MZT2A: variants seen among roughly 807,000 people sequenced by gnomAD.
MZT2A encodes mitotic spindle organizing protein 2A.
MZT2A carries 8 observed loss-of-function variants against 12.4 expected under a neutral mutation model. The observed-to-expected ratio is 0.64, with a 90% CI of 0.38 to 1.16. The LOEUF is 1.16. MZT2A is among the 50% of genes most tolerant of loss of function. MZT2A has a pLI of 0.01. For missense variants in MZT2A, 181 were observed against 223.6 expected, an observed-to-expected ratio of 0.81 and a Z score of 1.22; for synonymous variants, 88 against 107.5, an observed-to-expected ratio of 0.82 and a Z score of 1.12.
chr2:131,492,816 T>C (rs951666096), upstream of MZT2A: 2 of 1,438,430 alleles, frequency 1.4e-6, no homozygotes, highest in African/African-American at 1.4e-5. Context: ...ACAACCCTGC[T>C]TACGCGCACG....
chr2:131,490,016 A>C, intron 2 of MZT2A: 1 of 970,870 alleles, frequency 1.0e-6, no homozygotes, highest in Non-Finnish European at 1.2e-6. Context: ...TGCTCATCTC[A>C]GCCTGCAGTC....
At chr2:131,486,800 C>T (rs1679069490) in intron 2 of MZT2A, among the ~76,000 whole-genome samples, 1 of 152,034 alleles carries the variant, frequency 6.6e-6, no homozygotes, top group Non-Finnish European at 1.5e-5. Context: ...TAATGCTTAT[C>T]TTTAAATCTG....
At chr2:131,492,822 G>C (rs2313967), upstream of MZT2A, 1 of 1,446,532 alleles carries the variant, frequency 6.9e-7, no homozygotes, top group Non-Finnish European at 9.2e-7. Flanking sequence ...CTGCTTACGC[G>C]CACGCGCATT....
At chr2:131,488,469 G>A (rs1389617029) in intron 2 of MZT2A, among the ~76,000 whole-genome samples, 1 of 152,158 alleles carries the variant, frequency 6.6e-6, no homozygotes, top group Admixed American at 6.5e-5. Flanking sequence ...GAGAGGGCCT[G>A]GCCCATAGCC....
Position 131,472,092 on chromosome 2 carries a change from C to A in MZT2A, c.371G>T (p.Gly124Val), listed in dbSNP as rs964916829. The A allele has an allele frequency of 5.4e-6, 7 of 1,290,534 alleles. No homozygotes were observed. The African/African-American group carries it at 1.1e-4, about 20-fold the overall frequency. 79.9% of individuals were successfully genotyped at this position (1,290,534 alleles called of 1,614,324 possible). Residue 124 changes from glycine (G) to valine (V), a missense_variant and NMD_transcript_variant, in exon 3 of 5, where the codon GGC becomes GTC. Transcript: ENST00000427024. ...CCTTGTGCATGTCCTCCTTCTCCTG[C>A]CACACCATGCGGTGCTGCTTCTCTG...
chr2:131,472,204 A>T, intron 2 of MZT2A: 5 of 1,280,330 alleles, frequency 3.9e-6, no homozygotes, highest in South Asian at 1.3e-5. Flanking sequence ...TGAGCAAAAG[A>T]GGAAATAATT....
intron 2 of MZT2A, among the ~76,000 whole-genome samples, chr2:131,477,631 GAAGGCCT>G (rs1678717418): frequency 6.6e-6 from 1 of 150,920 alleles, no homozygotes; most frequent in Non-Finnish European, 1.5e-5. Flanking sequence ...AGAGGGCGAG[GAAGGCCT>G]CTGATGCTGT....
At chr2:131,476,174 G>T in intron 2 of MZT2A, 1 of 1,613,862 alleles carries the variant, frequency 6.2e-7, no homozygotes, top group Non-Finnish European at 8.5e-7. Context: ...TGGCAGTAGC[G>T]TTGGGCTGAA....
intron 2 of MZT2A, among the ~76,000 whole-genome samples, chr2:131,477,374 T>C (rs1678709064): frequency 1.3e-5 from 2 of 152,108 alleles, no homozygotes; most frequent in Admixed American, 1.3e-4. Context: ...CAGTGCAGTG[T>C]CCCAGCACTA....
chr2:131,492,330 G>C lies in MZT2A; in HGVS notation c.47C>G (p.Pro16Arg), dbSNP rs751983172. ...VGPGPGSAAPPGLEAARQKLA... is the reference protein window; with the variant it reads ...VGPGPGSAAPRGLEAARQKLA... ...CTTCTGCCGGGCCGCCTCCAGCCCC[G>C]GGGGCGCCGCCGACCCCGGCCCAGG... is the stretch of plus-strand genomic sequence containing the variant. Residue 16 changes from proline (P) to arginine (R), a missense_variant, in exon 1 of 3, where the codon CCG (proline) becomes CGG (arginine). Coordinates refer to ENST00000309451, the MANE Select transcript of MZT2A (RefSeq NM_001085365.2). The C allele has an allele frequency of 5.6e-5, 85 of 1,508,998 alleles. 1 individual carries two copies. The African/African-American group carries it at 1.2e-3, about 20-fold the overall frequency. The allele number at this position is 1,508,998 out of a possible 1,614,324, so 93.5% of individuals were successfully genotyped here. A position where few individuals can be genotyped will look rare whatever the true frequency, so the allele number is the denominator to read the frequency against.
chr2:131,479,252 C>T (rs1678769353), downstream of MZT2A: 4 of 1,585,210 alleles, frequency 2.5e-6, no homozygotes, highest in Non-Finnish European at 1.7e-6. Context: ...TGGAATGTGT[C>T]CATCTTGGTG....
At chr2:131,485,096 C>A (rs527978959) in intron 2 of MZT2A, among the ~76,000 whole-genome samples, 1 of 152,162 alleles carries the variant, frequency 6.6e-6, no homozygotes. Context: ...GGGGTCACAG[C>A]CCCCCATGCG....
Position 131,476,218 on chromosome 2 carries a change from C to T in MZT2A, c.279-4036G>A, listed in dbSNP as rs369978659. 1.2e-4 allele frequency: 201 copies of T among 1,613,946 alleles called. 2 individuals are homozygous for T. In the South Asian group the frequency reaches 2.0e-3, roughly 16 times the overall value. ...GTTCGCCATGGTAAGGCCCGGGTCACTCCCGCCCCGCAGATGCCCAGGCAG... is the reference window on the plus strand; with the variant it reads ...GTTCGCCATGGTAAGGCCCGGGTCATTCCCGCCCCGCAGATGCCCAGGCAG... On this transcript the variant is annotated intron_variant and NMD_transcript_variant, in intron 2 of 4. Transcript: ENST00000427024.
At chr2:131,477,635 G>C (rs569335997) in intron 2 of MZT2A, among the ~76,000 whole-genome samples, 18 of 151,034 alleles carry the variant, frequency 1.2e-4, no homozygotes, top group African/African-American at 4.2e-4. Context: ...GGCGAGGAAG[G>C]CCTCTGATGC....
chr2:131,492,955 G>A, upstream of MZT2A: 1 of 1,514,134 alleles, frequency 6.6e-7, no homozygotes, highest in Non-Finnish European at 8.9e-7. Flanking sequence ...TCCCCTCCCT[G>A]GCCGGCCGGC....
downstream of MZT2A, among the ~76,000 whole-genome samples, chr2:131,480,982 C>T (rs1297136918): frequency 6.6e-6 from 1 of 151,948 alleles, no homozygotes; most frequent in Admixed American, 6.5e-5. Context: ...CAGCTAACTG[C>T]AACCTCTGCC....
chr2:131,492,259 G>C lies in MZT2A; in HGVS notation c.118C>G (p.Leu40Val). Residue 40 changes from leucine to valine, a missense_variant, in exon 1 of 3, where the codon CTG becomes GTG. Leu to Val is a conservative substitution (Grantham distance 32, BLOSUM62 1). Around this residue, in one of 3 missense-constraint regions of MZT2A, gnomAD observed 106 missense variants for 127.2 expected, o/e 0.83. Transcript: ENST00000309451. Reference protein sequence around the residue: ...KKVLSTEEMELYELAQAAGGG... With the variant: ...KKVLSTEEMEVYELAQAAGGG... ...CCCGCCGCCTGAGCCAGCTCGTACA[G>C]CTCCATCTCCTCGGTGCTCAGCACC... 1 of 1,584,784 alleles carries C rather than the reference G, an allele frequency of 6.3e-7. No individual in the cohort carries two copies. The highest frequency in any genetic ancestry group is 2.3e-5 in the East Asian group (1 of 43,878).
At position 131,470,301 on chromosome 2, in the gene MZT2A, C is replaced by A. The variant is rs556457372; in HGVS notation, c.*15G>T. The A allele has an allele frequency of 4.1e-6, 5 of 1,210,710 alleles. No homozygotes were observed. In the East Asian group the frequency reaches 2.8e-4, roughly 68 times the overall value. 75.0% of individuals were successfully genotyped at this position (1,210,710 alleles called of 1,614,324 possible). The stretch of plus-strand genomic sequence containing the variant: ...TGCTGCTGATGGGCATCTTTCAGTT[C>A]TTTGGCTTGGGATTTCAATGTCTCT... On this transcript the variant is annotated 3_prime_UTR_variant and NMD_transcript_variant, in exon 4 of 5. Transcript: ENST00000427024.
chr2:131,492,951 C>A (rs1355415281), upstream of MZT2A: 1 of 1,525,338 alleles, frequency 6.6e-7, no homozygotes, highest in Non-Finnish European at 8.8e-7. Context: ...CATTTCCCCT[C>A]CCTGGCCGGC....
Sources: allele counts gnomAD v4.1 joint callset (sites outside exome capture counted in the v4.1 genomes callset), GRCh38; gene constraint gnomAD v4.1.1; regional missense constraint gnomAD v4.1.1; transcripts MANE v1.5; gene names NCBI Gene and HGNC (gene_info 2026-07-23, HGNC 2026-07-21).